Variants in TMEM178B observed in about 807,000 individuals in gnomAD.
The protein encoded by TMEM178B is transmembrane protein 178B.
In TMEM178B, 5 loss-of-function variants were observed where a neutral mutation model predicts 31.0. That is an observed-to-expected ratio of 0.16 (90% CI 0.08 to 0.34). TMEM178B has a LOEUF of 0.34. Among genes scored for constraint, TMEM178B ranks in the 10% least tolerant of loss-of-function variants. The pLI is 1.00. For synonymous variants in TMEM178B, 164 were observed against 164.0 expected, an observed-to-expected ratio of 1.00 and a Z score of 0.00; for missense variants, 275 against 400.3, an observed-to-expected ratio of 0.69 and a Z score of 2.67.
chr7:141,473,509 A>C lies in TMEM178B; in HGVS notation c.*2723A>C, dbSNP rs1802289722. 1 of 152,246 alleles carries C rather than the reference A, an allele frequency of 6.6e-6. No homozygotes were observed. Among genetic ancestry groups the C allele is most frequent in the South Asian group, 2.1e-4 (1 of 4,830 alleles). 9.4% of individuals were successfully genotyped at this position (152,246 alleles called of 1,614,324 possible). A position where few individuals can be genotyped will look rare whatever the true frequency, so the allele number is the denominator to read the frequency against. On this transcript the variant is annotated 3_prime_UTR_variant, in exon 4 of 4. Coordinates refer to ENST00000565468, the MANE Select transcript of TMEM178B (RefSeq NM_001195278.2). ...CATTATTTATATCCTCTTTTTAAAA[A>C]AAAATCCCATACTTTCAATGAATAG...
At position 141,074,789 on chromosome 7, in the gene TMEM178B, T is replaced by G. The variant is rs1794570465; in HGVS notation, c.382+97T>G. On this transcript the variant is annotated intron_variant, in intron 1 of 3. Transcript: ENST00000565468. This position sits in a 1 kb window ranked among gnomAD's most constrained non-coding sequence, Gnocchi z 5.1. ...CCTTCCCAGGCCACAGGCTATCAGG[T>G]CTCTGGGTTCCAGGCGGTCCGGTTA... 17 of 1,418,476 alleles carry G rather than the reference T, an allele frequency of 1.2e-5. No homozygotes were observed. The highest frequency in any genetic ancestry group is 1.6e-5 in the Non-Finnish European group (17 of 1,085,620). The allele number at this position is 1,418,476 out of a possible 1,614,324, so 87.9% of individuals were successfully genotyped here.
intron 2 of TMEM178B, among the ~76,000 whole-genome samples, chr7:141,355,247 T>C (rs887181292): frequency 3.3e-5 from 5 of 152,142 alleles, no homozygotes; most frequent in Non-Finnish European, 7.3e-5. Flanking sequence ...TTGGCTGCTG[T>C]TCAGACTTGG....
intron 2 of TMEM178B, among the ~76,000 whole-genome samples, chr7:141,429,170 A>C (rs1801375396): frequency 6.6e-6 from 1 of 152,218 alleles, no homozygotes; most frequent in African/African-American, 2.4e-5. Flanking sequence ...TACTGACTAT[A>C]TACCCAAAGA....
intron 3 of TMEM178B, among the ~76,000 whole-genome samples, chr7:141,454,756 T>C (rs555908943): frequency 6.6e-6 from 1 of 151,980 alleles, no homozygotes; most frequent in Non-Finnish European, 1.5e-5. Flanking sequence ...CATGGGACAA[T>C]GGAACAAGCC....
rs73520428 is a variant in TMEM178B at position 141,464,632 on chromosome 7, A to G, written c.635-5904A>G. Among the ~76,000 whole-genome samples the G allele has an allele frequency of 8.2e-3, 1,248 of 152,310 alleles. 16 individuals carry two copies. The highest frequency in any genetic ancestry group is 0.028 in the African/African-American group (1,170 of 41,560). On this transcript the variant is annotated intron_variant, in intron 3 of 3. Transcript: ENST00000565468. ...GGGATCATGTCTTATTCTTACTTTGATGTCCCTAGCATGTATCATAAAGCT... is the reference window on the plus strand; with the variant it reads ...GGGATCATGTCTTATTCTTACTTTGGTGTCCCTAGCATGTATCATAAAGCT...
intron 2 of TMEM178B, among the ~76,000 whole-genome samples, chr7:141,314,256 G>A (rs1268873482): frequency 1.3e-5 from 2 of 152,186 alleles, no homozygotes; most frequent in African/African-American, 4.8e-5. Context: ...CAGGAGGACA[G>A]GTTTCAGGCC....
intron 1 of TMEM178B, among the ~76,000 whole-genome samples, chr7:141,138,310 C>T (rs942288591): frequency 1.3e-5 from 2 of 152,134 alleles, no homozygotes; most frequent in Admixed American, 1.3e-4. Flanking sequence ...ATCCACCCAT[C>T]TCGGCCTCCC....
At chr7:141,101,836 A>G (rs1227044941) in intron 1 of TMEM178B, among the ~76,000 whole-genome samples, 3 of 152,070 alleles carry the variant, frequency 2.0e-5, no homozygotes, top group Non-Finnish European at 4.4e-5. Context: ...TAATCGGAAC[A>G]TGGGGATCTT....
intron 1 of TMEM178B, among the ~76,000 whole-genome samples, chr7:141,148,460 A>C (rs79367334): frequency 3.0e-4 from 46 of 152,260 alleles, no homozygotes; most frequent in East Asian, 1.9e-3. Flanking sequence ...CAAAGTAGGC[A>C]GGGAAGTTAT....
At chr7:141,103,262 C>T (rs1795087650) in intron 1 of TMEM178B, among the ~76,000 whole-genome samples, 1 of 152,130 alleles carries the variant, frequency 6.6e-6, no homozygotes. Context: ...TTGTAGATCA[C>T]CGGGGTAGGA....
chr7:141,274,304 C>A (rs1798232364), intron 2 of TMEM178B, among the ~76,000 whole-genome samples: 1 of 152,210 alleles, frequency 6.6e-6, no homozygotes, highest in African/African-American at 2.4e-5. Context: ...TGGTGCTCAA[C>A]AAATTTTTAT....
intron 1 of TMEM178B, among the ~76,000 whole-genome samples, chr7:141,085,623 G>T (rs1586759754): frequency 6.6e-6 from 1 of 151,328 alleles, no homozygotes; most frequent in Admixed American, 6.6e-5. Flanking sequence ...ATTTGCTCTG[G>T]AGTCCCTCTC....
chr7:141,296,453 A>G (rs533431764), intron 2 of TMEM178B, among the ~76,000 whole-genome samples: 4 of 152,238 alleles, frequency 2.6e-5, no homozygotes, highest in South Asian at 2.1e-4. Flanking sequence ...TTATGAGTCT[A>G]TGGCAGGCTA....
At chr7:141,211,839 C>T (rs1297982759) in intron 1 of TMEM178B, among the ~76,000 whole-genome samples, 2 of 152,062 alleles carry the variant, frequency 1.3e-5, no homozygotes, top group African/African-American at 4.8e-5. Flanking sequence ...GCTCTACTTC[C>T]TAGTTTGACT....
chr7:141,501,852 C>G, the TMEM178B span, among the ~76,000 whole-genome samples: 2 of 150,612 alleles, frequency 1.3e-5, no homozygotes, highest in East Asian at 3.9e-4. Context: ...CTCATGCTCT[C>G]TCTCTCTCTC....
chr7:141,455,487 A>G (rs1801946576), intron 3 of TMEM178B, among the ~76,000 whole-genome samples: 1 of 152,240 alleles, frequency 6.6e-6, no homozygotes, highest in Admixed American at 6.5e-5. Context: ...AGAGACAATC[A>G]TACAGGTGTA....
Position 141,473,705 on chromosome 7 carries a change from T to C in TMEM178B, c.*2919T>C, listed in dbSNP as rs1209622225. 2.0e-5 allele frequency: 3 copies of C among 152,174 alleles called. No homozygotes were observed. Among genetic ancestry groups the C allele is most frequent in the Non-Finnish European group, 2.9e-5 (2 of 68,032 alleles). The allele number at this position is 152,174 out of a possible 1,614,324, so 9.4% of individuals were successfully genotyped here. A position where few individuals can be genotyped will look rare whatever the true frequency, so the allele number is the denominator to read the frequency against. On this transcript the variant is annotated 3_prime_UTR_variant, in exon 4 of 4. Coordinates refer to ENST00000565468, the MANE Select transcript of TMEM178B (RefSeq NM_001195278.2). ...CAGGGGCTTTGAGTGACTTCTTTGA[T>C]AGCAGGACCAGATAAATACGAACAC...
At chr7:141,427,583 C>T (rs1047072387) in intron 2 of TMEM178B, among the ~76,000 whole-genome samples, 30 of 152,158 alleles carry the variant, frequency 2.0e-4, no homozygotes, top group African/African-American at 6.8e-4. Context: ...TAAACATAGG[C>T]CTTGAAACTA....
chr7:141,365,206 C>T (rs531396356), intron 2 of TMEM178B, among the ~76,000 whole-genome samples: 1 of 152,350 alleles, frequency 6.6e-6, no homozygotes, highest in East Asian at 1.9e-4. Context: ...AACCACATTG[C>T]TGTCTTCAAA....
Sources: gnomAD v4.1 joint callset for allele counts (sites outside exome capture counted in the v4.1 genomes callset) on GRCh38, gnomAD v4.1.1 for gene constraint, Gnocchi (gnomAD v3.1) non-coding constraint, MANE v1.5 for transcripts, NCBI Gene and HGNC (gene_info 2026-07-23, HGNC 2026-07-21) for gene names.